COL4A2: variants seen among roughly 807,000 people sequenced by gnomAD.
COL4A2 encodes the protein collagen alpha-2(IV) chain.
In COL4A2, 99 loss-of-function variants were observed where a neutral mutation model predicts 200.2. The ratio of observed to expected loss-of-function variants is 0.49; its 90% CI spans 0.42 to 0.58. The LOEUF (loss-of-function observed/expected upper bound fraction) is 0.58, where lower values mean the gene tolerates loss of function less well. Among genes scored for constraint, COL4A2 ranks in the 20% least tolerant of loss-of-function variants. The pLI is 0.00. For missense variants in COL4A2, 1,950 were observed against 2,314.1 expected (o/e 0.84, Z 3.23); for synonymous variants, 897 against 900.6 (o/e 1.00, Z 0.07).
Position 110,425,507 on chromosome 13 carries a change from C to T in COL4A2, c.360+510C>T, listed in dbSNP as rs79186039. Among the ~76,000 whole-genome samples, 830 of 152,272 alleles carry T rather than the reference C, an allele frequency of 5.5e-3. 10 individuals are homozygous for T. Among genetic ancestry groups the T allele is most frequent in the African/African-American group, 0.019 (807 of 41,544 alleles). On this transcript the variant is annotated intron_variant, in intron 6 of 47. Coordinates refer to ENST00000360467, the MANE Select transcript of COL4A2 (RefSeq NM_001846.4). ...TTATAACCTAGTTTACTTTACTTCT[C>T]GTGGCATAAAAAAATAAACAAAACA...
intron 45 of COL4A2, among the ~76,000 whole-genome samples, chr13:110,504,898 G>A (rs940698860): frequency 6.6e-5 from 10 of 151,872 alleles, no homozygotes; most frequent in East Asian, 1.9e-4. Context: ...GTAAGTCACC[G>A]TGCCTGGTCG....
chr13:110,396,471 C>T (rs1160892428), intron 4 of COL4A2, among the ~76,000 whole-genome samples: 4 of 152,204 alleles, frequency 2.6e-5, no homozygotes, highest in African/African-American at 9.7e-5. Context: ...TTGAATCACC[C>T]TGGACTTCAG....
chr13:110,447,379 C>A (rs1478816876), intron 18 of COL4A2, among the ~76,000 whole-genome samples: 2 of 152,172 alleles, frequency 1.3e-5, no homozygotes, highest in South Asian at 2.1e-4. Context: ...CACATAACAA[C>A]CACTCCCCAC....
At chr13:110,346,637 A>G (rs933380539) in intron 3 of COL4A2, among the ~76,000 whole-genome samples, 16 of 152,176 alleles carry the variant, frequency 1.1e-4, no homozygotes, top group Non-Finnish European at 2.1e-4. Context: ...CCCACTGTGA[A>G]GGCTGCTTGT....
At chr13:110,429,851 T>G (rs1452710580) in intron 7 of COL4A2, 34 bp from the exon 8 acceptor site, 2 of 1,603,836 alleles carry the variant, frequency 1.2e-6, no homozygotes, top group Non-Finnish European at 1.7e-6. Flanking sequence ...CTCTTTTTGT[T>G]GTTTTTTCTT....
chr13:110,432,420 G>T, intron 11 of COL4A2, 60 bp downstream of exon 11: 1 of 1,536,732 alleles, frequency 6.5e-7, no homozygotes, highest in Non-Finnish European at 8.7e-7. Flanking sequence ...TTGTGGGTTT[G>T]TTTGTTTTTT....
At chr13:110,460,176 G>A (rs1881969773) in intron 22 of COL4A2, among the ~76,000 whole-genome samples, 1 of 152,176 alleles carries the variant, frequency 6.6e-6, no homozygotes, top group Non-Finnish European at 1.5e-5. Flanking sequence ...GAAACTTAAA[G>A]GATCTGAGCC....
At chr13:110,359,393 T>C (rs921160416) in intron 4 of COL4A2, among the ~76,000 whole-genome samples, 1 of 152,230 alleles carries the variant, frequency 6.6e-6, no homozygotes, top group Non-Finnish European at 1.5e-5. Flanking sequence ...GGGAGTAGTA[T>C]TTTGTTTTAT....
rs140704340 is a variant in COL4A2 at position 110,460,410 on chromosome 13, C to G, written c.1596+1476C>G. Among the ~76,000 whole-genome samples, 11 of 152,348 alleles carry G rather than the reference C, an allele frequency of 7.2e-5. No individual in the cohort carries two copies. In the East Asian group the frequency reaches 1.9e-3, roughly 27 times the overall value. The stretch of plus-strand genomic sequence containing the variant: ...GATGCGATCTCTGAATCATGGCTGT[C>G]TAGCAGTAAAAGTGGCTCTAGTATT... On this transcript the variant is annotated intron_variant, in intron 22 of 47. Coordinates refer to ENST00000360467, the MANE Select transcript of COL4A2 (RefSeq NM_001846.4).
At chr13:110,471,556 C>G (rs1029451316) in intron 28 of COL4A2, among the ~76,000 whole-genome samples, 2 of 152,224 alleles carry the variant, frequency 1.3e-5, no homozygotes, top group Non-Finnish European at 2.9e-5. Flanking sequence ...GCATGGCTCC[C>G]TGGGTACAGT....
chr13:110,379,924 C>T (rs1202384961), intron 4 of COL4A2, among the ~76,000 whole-genome samples: 3 of 152,244 alleles, frequency 2.0e-5, no homozygotes, highest in Non-Finnish European at 4.4e-5. Context: ...CCTCCACCTG[C>T]CTCCTCTCCT....
chr13:110,472,911 A>C lies in COL4A2; in HGVS notation c.2204-18A>C, dbSNP rs955074004. 5 of 1,548,174 alleles carry C rather than the reference A, an allele frequency of 3.2e-6. No individual in the cohort carries two copies. In the African/African-American group the frequency reaches 4.1e-5, roughly 13 times the overall value. On this transcript the variant is annotated intron_variant, in intron 28 of 47. Coordinates refer to ENST00000360467, the MANE Select transcript of COL4A2 (RefSeq NM_001846.4). ...CATGCTAACTTGTGGTTTGGGGCCCACCCATGTTTCCTTTTAGGGTTCATA... is the reference window on the plus strand; with the variant it reads ...CATGCTAACTTGTGGTTTGGGGCCCCCCCATGTTTCCTTTTAGGGTTCATA...
At chr13:110,432,449 TGGCAA>T (rs1880718226) in intron 11 of COL4A2, 89 bp downstream of exon 11, 1 of 1,447,338 alleles carries the variant, frequency 6.9e-7, no homozygotes, top group African/African-American at 1.4e-5. Flanking sequence ...ACTTCTTGGT[TGGCAA>T]CTATTTATTG....
chr13:110,328,236 G>GA (rs1253163108), intron 3 of COL4A2: 2 of 152,216 alleles, frequency 1.3e-5, no homozygotes, highest in African/African-American at 4.8e-5. Flanking sequence ...AATTCGTCCT[G>GA]AAGAGCCTCT....
At chr13:110,424,436 T>G (rs1880381696) in intron 4 of COL4A2, among the ~76,000 whole-genome samples, 1 of 43,244 alleles carries the variant, frequency 2.3e-5, no homozygotes, top group Non-Finnish European at 5.7e-5. Context: ...GAAATGACCT[T>G]AAAAAGAACC....
chr13:110,502,251 C>T lies in COL4A2; in HGVS notation c.3877+467C>T, dbSNP rs1397944978. On this transcript the variant is annotated intron_variant, in intron 41 of 47. Transcript: ENST00000360467. ...TGAAAGCAACCCGAGTGTCCATCAACAGAGGAATTAAGAAGCAAAATGCAG... is the reference window on the plus strand; with the variant it reads ...TGAAAGCAACCCGAGTGTCCATCAATAGAGGAATTAAGAAGCAAAATGCAG... Among the ~76,000 whole-genome samples, 4 of 152,340 alleles carry T rather than the reference C, an allele frequency of 2.6e-5. No homozygotes were observed. In the East Asian group the frequency reaches 7.7e-4, roughly 29 times the overall value.
intron 3 of COL4A2, among the ~76,000 whole-genome samples, chr13:110,310,806 A>G (rs1036231078): frequency 3.3e-5 from 5 of 152,164 alleles, no homozygotes; most frequent in African/African-American, 1.2e-4. Flanking sequence ...CCTGTGTGCC[A>G]ATTTGTCTGT....
intron 20 of COL4A2, among the ~76,000 whole-genome samples, chr13:110,451,201 T>C (rs9521769): frequency 0.76 from 115,169 of 152,136 alleles, 43,869 homozygotes; most frequent in Middle Eastern, 0.89. Flanking sequence ...CAGTCCCGCC[T>C]GGAGCTTGCT....
chr13:110,378,808 C>T (rs566544372), intron 4 of COL4A2, among the ~76,000 whole-genome samples: 2 of 152,264 alleles, frequency 1.3e-5, no homozygotes, highest in African/African-American at 4.8e-5. Flanking sequence ...CCTAGACAGT[C>T]CTTAGACAAG....
Sources: allele counts gnomAD v4.1 joint callset (sites outside exome capture counted in the v4.1 genomes callset), GRCh38; gene constraint gnomAD v4.1.1; transcripts MANE v1.5; gene names NCBI Gene and HGNC (gene_info 2026-07-23, HGNC 2026-07-21).